The following BRD8 variants were observed in gnomAD, a reference collection of about 807,000 sequenced individuals.
BRD8 encodes the protein bromodomain containing 8.
In BRD8, 67 loss-of-function variants were observed where a neutral mutation model predicts 143.1. The ratio of observed to expected loss-of-function variants is 0.47; its 90% CI spans 0.38 to 0.57. The LOEUF (loss-of-function observed/expected upper bound fraction) is 0.57. Ranked by LOEUF, BRD8 falls within the 20% of genes least tolerant of loss-of-function variation. BRD8 has a pLI of 0.00. For synonymous variants in BRD8, 505 were observed against 517.1 expected (o/e 0.98, Z 0.32); for missense variants, 1,103 against 1,503.0 (o/e 0.73, Z 4.40).
intron 9 of BRD8, 110 bp downstream of exon 9, chr5:138,167,824 A>G: frequency 1.0e-6 from 1 of 968,460 alleles, no homozygotes; most frequent in Non-Finnish European, 1.6e-6. Context: ...AGTTAGAAAA[A>G]GTTGGGCTTT....
At chr5:138,143,400 G>T (rs1480333638) in intron 25 of BRD8, among the ~76,000 whole-genome samples, 1 of 152,162 alleles carries the variant, frequency 6.6e-6, no homozygotes, top group East Asian at 1.9e-4. Context: ...GATTGCTTGA[G>T]CCCAGGAGGT....
chr5:138,167,794 G>A (rs748713377), intron 9 of BRD8, 140 bp downstream of exon 9: 1 of 707,740 alleles, frequency 1.4e-6, no homozygotes, highest in Non-Finnish European at 2.5e-6. Context: ...TGTTTACCAG[G>A]TAAAGTAGCT....
intron 25 of BRD8, among the ~76,000 whole-genome samples, chr5:138,143,338 GT>G (rs1159199837): frequency 6.6e-6 from 1 of 152,094 alleles, no homozygotes; most frequent in African/African-American, 2.4e-5. Flanking sequence ...AATTAGCTAA[GT>G]GCAGTGGCAC....
At chr5:138,167,890 AGTT>A in intron 9 of BRD8, 41 bp downstream of exon 9, 2 of 1,580,204 alleles carry the variant, frequency 1.3e-6, no homozygotes, top group Non-Finnish European at 1.7e-6. Flanking sequence ...GTCAATGTCA[AGTT>A]CAACACCTTT....
chr5:138,156,032 G>A (rs892688536), intron 20 of BRD8, among the ~76,000 whole-genome samples: 1 of 151,470 alleles, frequency 6.6e-6, no homozygotes, highest in Non-Finnish European at 1.5e-5. Flanking sequence ...ACACCACCAT[G>A]CTGGGCTAAT....
chr5:138,178,189 G>A (rs890198815), intron 1 of BRD8, among the ~76,000 whole-genome samples: 1 of 152,036 alleles, frequency 6.6e-6, no homozygotes, highest in Non-Finnish European at 1.5e-5. Context: ...TTCCTGAGTG[G>A]CAAGAAAAGC....
At chr5:138,149,885 C>T in intron 22 of BRD8, 88 bp from the exon 23 acceptor site, 1 of 1,332,050 alleles carries the variant, frequency 7.5e-7, no homozygotes, top group Non-Finnish European at 1.0e-6. Flanking sequence ...GAAGGCTGCC[C>T]TTAAGGTGAG....
At chr5:138,143,580 CTAAAGGATTG>C (rs1460800011) in intron 25 of BRD8, among the ~76,000 whole-genome samples, 1 of 151,604 alleles carries the variant, frequency 6.6e-6, no homozygotes, top group Non-Finnish European at 1.5e-5. Flanking sequence ...TTCTGTCTAG[CTAAAGGATTG>C]TAAACACACC....
chr5:138,166,874 C>T lies in BRD8; in HGVS notation c.788-147G>A, dbSNP rs1753469800. ...CATTGAATAAGTTCATCATCTATATCCTTACTCTAACCTTACTTAAGATCT... is the reference window on the plus strand; with the variant it reads ...CATTGAATAAGTTCATCATCTATATTCTTACTCTAACCTTACTTAAGATCT... On this transcript the variant is annotated intron_variant, in intron 9 of 26. Coordinates refer to ENST00000254900, the MANE Select transcript of BRD8 (RefSeq NM_139199.2). The T allele has an allele frequency of 2.1e-5, 13 of 623,798 alleles. No individual in the cohort carries two copies. In the East Asian group the frequency reaches 3.6e-4, roughly 18 times the overall value. The allele number at this position is 623,798 out of a possible 1,614,324, so 38.6% of individuals were successfully genotyped here.
At chr5:138,172,234 G>A (rs1429805169) in intron 2 of BRD8, 100 bp from the exon 3 acceptor site, 8 of 987,394 alleles carry the variant, frequency 8.1e-6, no homozygotes, top group Non-Finnish European at 1.1e-5. Flanking sequence ...GAATAAAAAA[G>A]ATGCGAATGG....
In BRD8 at chr5:138,149,716, C is replaced by A; in HGVS notation, c.3202G>T (p.Glu1068Ter). ...TTAATGTTAAAGGCATCATCACACTCGCCTGAAGGGGGCTGGTCTTCCATC... is the reference window on the plus strand; with the variant it reads ...TTAATGTTAAAGGCATCATCACACTAGCCTGAAGGGGGCTGGTCTTCCATC... ...SEMEDQPPSG[E>*]CDDAFNIKET... The change falls in exon 23 of 27, where the codon GAG (glutamate) becomes TAG (stop). Residue 1068 changes from glutamate (E) to a stop codon, truncating the protein, a stop_gained. Transcript: ENST00000254900. LOFTEE classifies it high-confidence loss of function. 6.2e-7 allele frequency: 1 copy of A among 1,613,860 alleles called. No individual in the cohort carries two copies. Among genetic ancestry groups the A allele is most frequent in the Non-Finnish European group, 8.5e-7 (1 of 1,179,892 alleles).
At position 138,152,623 on chromosome 5, in the gene BRD8, C is replaced by T. The variant is rs759077090; in HGVS notation, c.2715G>A (p.Glu905=). The T allele has an allele frequency of 5.0e-6, 8 of 1,614,152 alleles. No homozygotes were observed. The highest frequency in any genetic ancestry group is 6.8e-6 in the Non-Finnish European group (8 of 1,180,034). ...DLDVGNWRET[E]DPEAEELEES... is the part of the protein sequence containing the mutation. ...CCTCTAGTTCCTCAGCCTCTGGATC[C>T]TCAGTTTCCCTCCAGTTGCCCACAT... The change falls in exon 21 of 27, where the codon GAG becomes GAA. Residue 905 remains glutamate (E), a synonymous_variant. Coordinates refer to ENST00000254900, the MANE Select transcript of BRD8 (RefSeq NM_139199.2).
chr5:138,171,281 TA>T, intron 4 of BRD8, 79 bp downstream of exon 4: 1 of 1,423,084 alleles, frequency 7.0e-7, no homozygotes. Context: ...TCCAGTATCA[TA>T]ACTAAGTATA....
intron 26 of BRD8, 34 bp from the exon 27 acceptor site, chr5:138,140,200 T>A (rs1751845782): frequency 1.3e-6 from 2 of 1,493,760 alleles, no homozygotes; most frequent in Non-Finnish European, 1.9e-6. Flanking sequence ...CAAGCTATTA[T>A]GAACCTTAAA....
intron 25 of BRD8, 44 bp from the exon 26 acceptor site, chr5:138,140,926 T>TTCCACATGAA: frequency 6.3e-7 from 1 of 1,599,562 alleles, no homozygotes; most frequent in Non-Finnish European, 8.6e-7. Context: ...AACCTTCATG[T>TTCCACATGAA]GGAACATATG....
At chr5:138,163,745 T>A in intron 14 of BRD8, 1 of 824,530 alleles carries the variant, frequency 1.2e-6, no homozygotes, top group African/African-American at 1.8e-5. Flanking sequence ...GCTTTAATAA[T>A]TCTAAAAAGA....
At position 138,164,371 on chromosome 5, in the gene BRD8, G is replaced by A; in HGVS notation, c.1774C>T (p.Pro592Ser). The part of the protein sequence containing the change: ...SMLSPSHGSN[P>S]IEDPLEAETQ... ...TCTGCCTCTAAAGGATCTTCAATGG[G>A]ATTTGAGCCATGTGATGGAGACAAC... Residue 592 changes from proline (P) to serine (S), a missense_variant, in exon 13 of 27, where the codon CCC becomes TCC. Transcript: ENST00000254900. 1 of 1,614,086 alleles carries A rather than the reference G, an allele frequency of 6.2e-7. No individual in the cohort carries two copies. Among genetic ancestry groups the A allele is most frequent in the African/African-American group, 1.3e-5 (1 of 75,008 alleles).
intron 3 of BRD8, 78 bp downstream of exon 3, chr5:138,171,987 C>T (rs1036836716): frequency 3.4e-5 from 37 of 1,089,514 alleles, no homozygotes; most frequent in Admixed American, 6.0e-5. Context: ...AGCTTTGTAA[C>T]TAAAAGTCAG....
At chr5:138,143,685 A>G (rs1752010068) in intron 25 of BRD8, among the ~76,000 whole-genome samples, 1 of 150,930 alleles carries the variant, frequency 6.6e-6, no homozygotes. Flanking sequence ...CTCTGTGTCT[A>G]GCTAAACATT....
Sources: gnomAD v4.1 joint callset for allele counts (sites outside exome capture counted in the v4.1 genomes callset) on GRCh38, gnomAD v4.1.1 for gene constraint, MANE v1.5 for transcripts, NCBI Gene and HGNC (gene_info 2026-07-23, HGNC 2026-07-21) for gene names.